MDGA1: variants seen among roughly 807,000 people sequenced by gnomAD.
MDGA1 encodes the protein MAM domain containing glycosylphosphatidylinositol anchor 1.
In MDGA1, 54 loss-of-function variants were observed where a neutral mutation model predicts 101.5. The ratio of observed to expected loss-of-function variants is 0.53; its 90% CI spans 0.43 to 0.67. The LOEUF is 0.67. Among genes scored for constraint, MDGA1 ranks in the 30% least tolerant of loss-of-function variants. The probability of loss-of-function intolerance (pLI) is 0.00; values close to 1 mark genes in which losing one functional copy is unlikely to be tolerated. For missense variants in MDGA1, 1,083 were observed against 1,323.8 expected (o/e 0.82, Z 2.82); for synonymous variants, 533 against 558.3 (o/e 0.95, Z 0.64).
At position 37,645,893 on chromosome 6, in the gene MDGA1, T is replaced by C. The variant is rs75135898; in HGVS notation, c.2248+40A>G. The C allele has an allele frequency of 1.6e-4, 251 of 1,612,308 alleles. 2 individuals carry two copies. In the Middle Eastern group the frequency reaches 2.0e-3, roughly 13 times the overall value. The stretch of plus-strand genomic sequence containing the variant: ...CTCACCAGGAGAGCCTTTGTGTCCC[T>C]AAAGGGAAGGGGAAGTCATGGGTGA... On this transcript the variant is annotated intron_variant, in intron 12 of 16. Transcript: ENST00000434837.
At position 37,696,591 on chromosome 6, in the gene MDGA1, G is replaced by C. The variant is rs1762424046; in HGVS notation, c.67+154C>G. ...CCCTGTGTTCCGAAGCAGCTAGCTC[G>C]GTCTCCACGCGCCCTGGAGAGGGCG... On this transcript the variant is annotated intron_variant, in intron 1 of 16. Coordinates refer to ENST00000434837, the MANE Select transcript of MDGA1 (RefSeq NM_153487.4). This position sits in a 1 kb window ranked among gnomAD's most constrained non-coding sequence, Gnocchi z 5.6. Among the ~76,000 whole-genome samples, 1 of 152,148 alleles carries C rather than the reference G, an allele frequency of 6.6e-6. No individual in the cohort carries two copies. Among genetic ancestry groups the C allele is most frequent in the Non-Finnish European group, 1.5e-5 (1 of 68,008 alleles).
In MDGA1 at chr6:37,636,917, C is replaced by G. The variant is rs1358152633; in HGVS notation, c.*451G>C. 1 of 153,928 alleles carries G rather than the reference C, an allele frequency of 6.5e-6. No individual in the cohort carries two copies. Among genetic ancestry groups the G allele is most frequent in the Non-Finnish European group, 1.5e-5 (1 of 68,946 alleles). 9.5% of individuals were successfully genotyped at this position (153,928 alleles called of 1,614,324 possible). A position where few individuals can be genotyped will look rare whatever the true frequency, so the allele number is the denominator to read the frequency against. ...CAAGGGAGGGGCTCCATGTCTGCCC[C>G]ACTTCTGGCTCCCTTCTGGCAAAGC... On this transcript the variant is annotated 3_prime_UTR_variant, in exon 17 of 17. Transcript: ENST00000434837.
chr6:37,656,067 G>A (rs1446833019), intron 3 of MDGA1, among the ~76,000 whole-genome samples, 171 bp from the exon 4 acceptor site: 1 of 140,628 alleles, frequency 7.1e-6, no homozygotes, highest in Non-Finnish European at 1.5e-5. Flanking sequence ...GCAGGGGATA[G>A]GACTTTTTCC....
chr6:37,661,494 T>A (rs1199763280), intron 2 of MDGA1, among the ~76,000 whole-genome samples: 1 of 152,214 alleles, frequency 6.6e-6, no homozygotes, highest in Non-Finnish European at 1.5e-5. Flanking sequence ...GGGGCATCTT[T>A]AGGACCCATA....
chr6:37,677,661 T>C (rs80161177), intron 1 of MDGA1, among the ~76,000 whole-genome samples: 2,059 of 145,398 alleles, frequency 0.014, 28 homozygotes, highest in Middle Eastern at 0.023. Context: ...TAATGTTTGA[T>C]GGTCATTGGG....
rs1386610713 is a variant in MDGA1 at position 37,637,467 on chromosome 6, A to C, written c.2777-8T>G. 6.2e-7 allele frequency: 1 copy of C among 1,611,362 alleles called. No individual in the cohort carries two copies. On this transcript the variant is annotated splice_polypyrimidine_tract_variant and splice_region_variant and intron_variant, in intron 16 of 16. Transcript: ENST00000434837. ...TGCCCGGCATCACCACCACTGCAAC[A>C]GGGGAGAAAGAGGAGACAGGCCAGG...
At chr6:37,680,972 A>G (rs1398463274) in intron 1 of MDGA1, among the ~76,000 whole-genome samples, 1 of 146,852 alleles carries the variant, frequency 6.8e-6, no homozygotes, top group Non-Finnish European at 1.5e-5. Context: ...CCTGTCCCCT[A>G]CTGGGGCCCA....
rs902679746 is a variant in MDGA1, at chr6:37,646,390, G to C, written c.2047-15C>G. On this transcript the variant is annotated splice_polypyrimidine_tract_variant and intron_variant, in intron 10 of 16. Coordinates refer to ENST00000434837, the MANE Select transcript of MDGA1 (RefSeq NM_153487.4). ...TGCTGGTTCAACTGTTAAGTACAGA[G>C]AGTTCCCAGATGCCTAGGAAGTCAG... 8.2e-5 allele frequency: 119 copies of C among 1,458,406 alleles called. No individual in the cohort carries two copies. The East Asian group carries it at 2.9e-3, about 36-fold the overall frequency. 90.3% of individuals were successfully genotyped at this position (1,458,406 alleles called of 1,614,324 possible). A position where few individuals can be genotyped will look rare whatever the true frequency, so the allele number is the denominator to read the frequency against.
chr6:37,651,018 T>A (rs11751096), intron 7 of MDGA1, among the ~76,000 whole-genome samples: 3,121 of 152,318 alleles, frequency 0.02, 46 homozygotes, highest in Middle Eastern at 0.044. Flanking sequence ...GAATGCAGAA[T>A]AATGGCTGCA....
chr6:37,658,336 A>T lies in MDGA1; in HGVS notation c.291T>A (p.Arg97=), dbSNP rs1439479587. 5.0e-6 allele frequency: 8 copies of T among 1,613,202 alleles called. No homozygotes were observed. The highest frequency in any genetic ancestry group is 1.3e-5 in the African/African-American group (1 of 75,036). The change falls in exon 3 of 17, where the codon CGT becomes CGA. Residue 97 remains arginine, a synonymous_variant. Coordinates refer to ENST00000434837, the MANE Select transcript of MDGA1 (RefSeq NM_153487.4). ...AGCGGCCGCCCTGCGTGCGTGCAAT[A>T]CGCTCGATGCGCAGCGTCTCGTTGA... ...SVFNETLRIE[R]IARTQGGRYY...
At chr6:37,672,803 T>C (rs1374528218) in intron 1 of MDGA1, among the ~76,000 whole-genome samples, 2 of 152,092 alleles carry the variant, frequency 1.3e-5, no homozygotes, top group Non-Finnish European at 2.9e-5. Context: ...CAGAGAGCTG[T>C]GGCACTCAGG....
In MDGA1 at chr6:37,636,668, G is replaced by A. The variant is rs920255700; in HGVS notation, c.*700C>T. On this transcript the variant is annotated 3_prime_UTR_variant, in exon 17 of 17. Transcript: ENST00000434837. ...AGACCCTGTGCTGGGTCCCTTCAAA[G>A]GGTGCACACTGAGGAGGGAAATATG... is the stretch of plus-strand genomic sequence containing the variant. 10 of 152,720 alleles carry A rather than the reference G, an allele frequency of 6.5e-5. No homozygotes were observed. The highest frequency in any genetic ancestry group is 2.2e-4 in the African/African-American group (9 of 41,444). The allele number at this position is 152,720 out of a possible 1,614,324, so 9.5% of individuals were successfully genotyped here.
chr6:37,655,928 C>G lies in MDGA1; in HGVS notation c.383-32G>C, dbSNP rs765533643. Reference sequence around the variant, plus strand: ...GGGCACAGCCCCCATGGAGTCAGGACTGGGTGACCCCAAGGTTGGGGGGCT... The same window carrying G: ...GGGCACAGCCCCCATGGAGTCAGGAGTGGGTGACCCCAAGGTTGGGGGGCT... On this transcript the variant is annotated intron_variant, in intron 3 of 16. Coordinates refer to ENST00000434837, the MANE Select transcript of MDGA1 (RefSeq NM_153487.4). The surrounding 1 kb of genome is among the most constrained non-coding windows in gnomAD (Gnocchi z 5.1). 2 of 1,578,292 alleles carry G rather than the reference C, an allele frequency of 1.3e-6. No homozygotes were observed. Among genetic ancestry groups the G allele is most frequent in the Admixed American group, 1.8e-5 (1 of 56,578 alleles).
In MDGA1 at chr6:37,655,317, C is replaced by T. The variant is rs775932974; in HGVS notation, c.579+383G>A. 1.8e-5 allele frequency: 6 copies of T among 341,436 alleles called. No homozygotes were observed. Among genetic ancestry groups the T allele is most frequent in the Non-Finnish European group, 2.7e-5 (5 of 187,066 alleles). 21.2% of individuals were successfully genotyped at this position (341,436 alleles called of 1,614,324 possible). ...CTTGGCAGAATGGCATCACCACCATCTCCTGGGACTATCAGGGCCCATGGG... is the reference window on the plus strand; with the variant it reads ...CTTGGCAGAATGGCATCACCACCATTTCCTGGGACTATCAGGGCCCATGGG... On this transcript the variant is annotated intron_variant, in intron 4 of 16. Transcript: ENST00000434837. This position sits in a 1 kb window ranked among gnomAD's most constrained non-coding sequence, Gnocchi z 5.1.
chr6:37,693,593 T>C (rs899358631), intron 1 of MDGA1, among the ~76,000 whole-genome samples: 2 of 152,170 alleles, frequency 1.3e-5, no homozygotes, highest in African/African-American at 4.8e-5. Context: ...CCGACTGCTA[T>C]GAGAGGAGCA....
intron 7 of MDGA1, among the ~76,000 whole-genome samples, chr6:37,651,082 A>C (rs187129514): frequency 9.9e-4 from 151 of 152,402 alleles, no homozygotes; most frequent in African/African-American, 3.5e-3. Context: ...ATGGAAGAGC[A>C]AGCCAGGTGG....
intron 1 of MDGA1, among the ~76,000 whole-genome samples, chr6:37,692,860 C>T (rs1046609825): frequency 6.6e-6 from 1 of 152,172 alleles, no homozygotes; most frequent in East Asian, 1.9e-4. Flanking sequence ...CCTCTCTAAC[C>T]GACCTCCTCC....
intron 1 of MDGA1, among the ~76,000 whole-genome samples, chr6:37,693,130 G>A (rs1449364256): frequency 1.3e-5 from 2 of 152,184 alleles, no homozygotes; most frequent in African/African-American, 2.4e-5. Context: ...AAAGAAAGAA[G>A]GAACAGAAGC....
In MDGA1 at chr6:37,632,070, G is replaced by A. The variant is rs1763831730; in HGVS notation, c.*5298C>T. Reference sequence around the variant, plus strand: ...CATATTCTGTTCCCTCTGCTCAGAAGCCTCTCCCAATCCCAACAGGCTAAC... The same window carrying A: ...CATATTCTGTTCCCTCTGCTCAGAAACCTCTCCCAATCCCAACAGGCTAAC... On this transcript the variant is annotated 3_prime_UTR_variant, in exon 17 of 17. Coordinates refer to ENST00000434837, the MANE Select transcript of MDGA1 (RefSeq NM_153487.4). 1 of 152,144 alleles carries A rather than the reference G, an allele frequency of 6.6e-6. No homozygotes were observed. The highest frequency in any genetic ancestry group is 1.5e-5 in the Non-Finnish European group (1 of 68,026). The allele number at this position is 152,144 out of a possible 1,614,324, so 9.4% of individuals were successfully genotyped here. A position where few individuals can be genotyped will look rare whatever the true frequency, so the allele number is the denominator to read the frequency against.
Sources: allele counts gnomAD v4.1 joint callset (sites outside exome capture counted in the v4.1 genomes callset), GRCh38; gene constraint gnomAD v4.1.1; non-coding constraint Gnocchi (gnomAD v3.1); transcripts MANE v1.5; gene names NCBI Gene and HGNC (gene_info 2026-07-23, HGNC 2026-07-21).